The following NEDD4 variants were observed in gnomAD, a reference collection of about 807,000 sequenced individuals.
NEDD4 encodes NEDD4 E3 ubiquitin protein ligase.
A neutral mutation model predicts 144.9 loss-of-function variants in NEDD4; 99 were observed. The ratio of observed to expected loss-of-function variants is 0.68; its 90% CI spans 0.58 to 0.81. NEDD4 has a LOEUF of 0.81. NEDD4 is among the 30% of genes least tolerant of loss of function. The pLI is 0.00. For missense variants in NEDD4, 985 were observed against 1,065.9 expected (o/e 0.92, Z 1.06); for synonymous variants, 318 against 350.6 (o/e 0.91, Z 1.04).
At chr15:55,936,274 A>G (rs1033729784) in intron 4 of NEDD4, among the ~76,000 whole-genome samples, 1 of 152,188 alleles carries the variant, frequency 6.6e-6, no homozygotes, top group African/African-American at 2.4e-5. Context: ...GGTCCATACT[A>G]GACAGTAAGT....
At chr15:55,848,475 A>T in intron 16 of NEDD4, 45 bp from the exon 17 acceptor site, 1 of 1,612,712 alleles carries the variant, frequency 6.2e-7, no homozygotes, top group East Asian at 2.2e-5. Flanking sequence ...TCACACATAA[A>T]ATTTATTACA....
chr15:55,852,303 TAAA>T (rs879814846), intron 13 of NEDD4, 118 bp downstream of exon 13: 3 of 957,204 alleles, frequency 3.1e-6, no homozygotes, highest in Non-Finnish European at 1.4e-6. Context: ...CTCAAAAAAA[TAAA>T]AAAAAAAAAG....
intron 2 of NEDD4, chr15:55,952,793 T>C (rs1350328138): frequency 6.6e-6 from 1 of 152,240 alleles, no homozygotes; most frequent in East Asian, 1.9e-4. Context: ...TAGGTTTCTC[T>C]AGGCATATAA....
chr15:55,967,651 A>T (rs1421708207), intron 1 of NEDD4, among the ~76,000 whole-genome samples: 5 of 152,094 alleles, frequency 3.3e-5, no homozygotes, highest in Non-Finnish European at 4.4e-5. Flanking sequence ...TATATTTTTT[A>T]AAAAATTCAC....
At chr15:55,978,633 G>C (rs1049990297) in intron 1 of NEDD4, among the ~76,000 whole-genome samples, 2 of 152,098 alleles carry the variant, frequency 1.3e-5, no homozygotes, top group Non-Finnish European at 2.9e-5. Flanking sequence ...TCAAAACAGG[G>C]ACAAAATTAT....
At chr15:55,852,319 G>A (rs1253371047) in intron 13 of NEDD4, 105 bp downstream of exon 13, 12 of 1,237,192 alleles carry the variant, frequency 9.7e-6, no homozygotes, top group Non-Finnish European at 1.2e-5. Context: ...AAAAAAAGAA[G>A]GTGGTAGAAG....
chr15:55,916,631 C>T lies in NEDD4; in HGVS notation c.291+8015G>A, dbSNP rs1257254167. On this transcript the variant is annotated intron_variant, in intron 5 of 28. Coordinates refer to ENST00000435532, the MANE Select transcript of NEDD4 (RefSeq NM_006154.4). ...AGGGAACAGATGATCTTTCTTGAGA[C>T]TGAACGTTTTCCTTTATTAACGGAG... The T allele has an allele frequency of 3.1e-6, 5 of 1,613,994 alleles. No homozygotes were observed. In the South Asian group the frequency reaches 5.5e-5, roughly 18 times the overall value.
At chr15:55,901,873 A>C (rs1170524900) in intron 5 of NEDD4, among the ~76,000 whole-genome samples, 1 of 152,116 alleles carries the variant, frequency 6.6e-6, no homozygotes, top group African/African-American at 2.4e-5. Flanking sequence ...AAACATATAA[A>C]ATTTCCAGTA....
chr15:55,923,232 G>GA, intron 5 of NEDD4, among the ~76,000 whole-genome samples: 1 of 151,568 alleles, frequency 6.6e-6, no homozygotes, highest in South Asian at 2.1e-4. Flanking sequence ...ATTCAGAGGG[G>GA]AAAAAAAGGA....
intron 11 of NEDD4, among the ~76,000 whole-genome samples, chr15:55,857,934 T>C (rs2034260772): frequency 6.6e-6 from 1 of 152,124 alleles, no homozygotes; most frequent in Non-Finnish European, 1.5e-5. Flanking sequence ...AGTGAGACCC[T>C]ATCTCAAAAA....
At chr15:55,977,249 T>A (rs61055309) in intron 1 of NEDD4, among the ~76,000 whole-genome samples, 19,982 of 152,240 alleles carry the variant, frequency 0.13, 1,427 homozygotes, top group East Asian at 0.32. Context: ...TTTTTACTTT[T>A]CCTTTTCTAT....
intron 5 of NEDD4, among the ~76,000 whole-genome samples, chr15:55,905,451 A>G (rs1004267316): frequency 6.6e-5 from 10 of 152,214 alleles, no homozygotes; most frequent in Non-Finnish European, 1.3e-4. Flanking sequence ...TTACTCTCAA[A>G]TATCAACAAC....
intron 5 of NEDD4, among the ~76,000 whole-genome samples, chr15:55,899,190 TTCTC>T (rs1215543617): frequency 3.9e-5 from 6 of 152,030 alleles, no homozygotes; most frequent in Non-Finnish European, 7.4e-5. Context: ...TTCTTTTTAA[TTCTC>T]TCTCTCTCTT....
At chr15:55,901,628 C>T (rs1295394286) in intron 5 of NEDD4, among the ~76,000 whole-genome samples, 1 of 152,126 alleles carries the variant, frequency 6.6e-6, no homozygotes, top group Non-Finnish European at 1.5e-5. Flanking sequence ...TCCCCAGATT[C>T]GTGGTCTGTG....
At chr15:55,916,791 C>T (rs1595842810) in intron 5 of NEDD4, 4 of 1,609,456 alleles carry the variant, frequency 2.5e-6, no homozygotes, top group Non-Finnish European at 3.4e-6. Context: ...GTAAGTATTG[C>T]TTCTTCTGGC....
intron 18 of NEDD4, among the ~76,000 whole-genome samples, chr15:55,843,924 G>A (rs1299434434): frequency 6.6e-6 from 1 of 152,136 alleles, no homozygotes; most frequent in Non-Finnish European, 1.5e-5. Flanking sequence ...GCTTCCTCAA[G>A]GAGTTTCTCA....
Position 55,916,118 on chromosome 15 carries a change from C to T in NEDD4, c.291+8528G>A, listed in dbSNP as rs1199743064. 11 of 1,613,756 alleles carry T rather than the reference C, an allele frequency of 6.8e-6. No homozygotes were observed. In the Admixed American group the frequency reaches 1.8e-4, roughly 27 times the overall value. ...TCTCTAATCCATGTTCCAAGTCATC[C>T]TGGACAAAAGGATCTGTACTTGTAC... is the stretch of plus-strand genomic sequence containing the variant. On this transcript the variant is annotated intron_variant, in intron 5 of 28. Transcript: ENST00000435532.
At chr15:55,969,146 T>C (rs1005411367) in intron 1 of NEDD4, among the ~76,000 whole-genome samples, 2 of 152,122 alleles carry the variant, frequency 1.3e-5, no homozygotes, top group Non-Finnish European at 2.9e-5. Flanking sequence ...GCAAAGTGAT[T>C]GTGGGACTTT....
intron 1 of NEDD4, among the ~76,000 whole-genome samples, chr15:55,984,322 C>T (rs2037855116): frequency 6.6e-6 from 1 of 152,166 alleles, no homozygotes; most frequent in South Asian, 2.1e-4. Context: ...TAACACTTCT[C>T]CCTACTGGGA....
Sources: allele counts gnomAD v4.1 joint callset (sites outside exome capture counted in the v4.1 genomes callset), GRCh38; gene constraint gnomAD v4.1.1; transcripts MANE v1.5; gene names NCBI Gene and HGNC (gene_info 2026-07-23, HGNC 2026-07-21).